Variants in UBE2D1 observed in about 807,000 individuals in gnomAD.
UBE2D1 encodes ubiquitin-conjugating enzyme E2 D1.
Under a neutral mutation model 24.6 loss-of-function variants are expected in UBE2D1, and 9 were observed. The ratio of observed to expected loss-of-function variants is 0.37; its 90% CI spans 0.22 to 0.64. The LOEUF is 0.64. UBE2D1 is among the 30% of genes least tolerant of loss of function. The pLI is 0.64. For missense variants in UBE2D1, 87 were observed against 177.1 expected (o/e 0.49, Z 2.89); for synonymous variants, 57 against 57.6 (o/e 0.99, Z 0.04).
chr10:58,353,689 C>A (rs1840100885), intron 1 of UBE2D1, among the ~76,000 whole-genome samples: 1 of 152,074 alleles, frequency 6.6e-6, no homozygotes. Flanking sequence ...AATTAATATT[C>A]TTTTGATATT....
chr10:58,342,670 C>G (rs1213638559), intron 1 of UBE2D1, among the ~76,000 whole-genome samples: 2 of 151,730 alleles, frequency 1.3e-5, no homozygotes, highest in Admixed American at 6.6e-5. Context: ...CTTCTTTGAC[C>G]CTTGGATTAT....
At chr10:58,337,354 A>T (rs1444278390) in intron 1 of UBE2D1, among the ~76,000 whole-genome samples, 1 of 152,116 alleles carries the variant, frequency 6.6e-6, no homozygotes, top group Non-Finnish European at 1.5e-5. Context: ...ATTTTGATTG[A>T]TTCCCTACTT....
chr10:58,355,733 G>T (rs1427687150), intron 1 of UBE2D1, among the ~76,000 whole-genome samples: 7 of 152,086 alleles, frequency 4.6e-5, no homozygotes, highest in Non-Finnish European at 1.5e-5. Flanking sequence ...AAAATAATAA[G>T]GTTCATATAT....
intron 1 of UBE2D1, among the ~76,000 whole-genome samples, chr10:58,337,851 C>G (rs1839919292): frequency 6.6e-6 from 1 of 151,884 alleles, no homozygotes; most frequent in Admixed American, 6.6e-5. Flanking sequence ...CAAAGATAAT[C>G]TCTTTTTTTT....
Position 58,370,124 on chromosome 10 carries a change from A to G in UBE2D1, c.*1359A>G, listed in dbSNP as rs1840299534. 3 of 151,740 alleles carry G rather than the reference A, an allele frequency of 2.0e-5. No homozygotes were observed. Among genetic ancestry groups the G allele is most frequent in the Admixed American group, 1.3e-4 (2 of 15,236 alleles). 9.4% of individuals were successfully genotyped at this position (151,740 alleles called of 1,614,324 possible). A position where few individuals can be genotyped will look rare whatever the true frequency, so the allele number is the denominator to read the frequency against. ...CCTCCCTCTGTTTTTATAAGTTGCC[A>G]TCGAAAAGTGATTTAAATAAGCAGG... On this transcript the variant is annotated 3_prime_UTR_variant, in exon 7 of 7. Transcript: ENST00000373910.
intron 1 of UBE2D1, among the ~76,000 whole-genome samples, chr10:58,354,025 G>A (rs1001741881): frequency 3.3e-5 from 5 of 151,936 alleles, no homozygotes; most frequent in South Asian, 2.1e-4. Context: ...AAAACATTCC[G>A]GTAGAAGAGG....
rs1247351545 is a variant in UBE2D1, at chr10:58,335,239, C to G, written c.24+14C>G. The G allele has an allele frequency of 6.5e-7, 1 of 1,534,474 alleles. No homozygotes were observed. Among genetic ancestry groups the G allele is most frequent in the Non-Finnish European group, 8.8e-7 (1 of 1,142,690 alleles). On this transcript the variant is annotated intron_variant, in intron 1 of 6. Transcript: ENST00000373910. ...AGGATTCAGAAAGTGAGTGCCGGGG[C>G]CGGGCCTGGGGCTGCGGGGCAGCGG...
intron 6 of UBE2D1, 129 bp downstream of exon 6, chr10:58,368,145 C>T: frequency 1.6e-6 from 1 of 644,582 alleles, no homozygotes; most frequent in South Asian, 2.3e-5. Context: ...TATCTTTTTC[C>T]AATGGAGTAA....
At chr10:58,361,676 A>C in intron 3 of UBE2D1, 150 bp downstream of exon 3, 3 of 1,109,086 alleles carry the variant, frequency 2.7e-6, no homozygotes, top group Non-Finnish European at 3.9e-6. Flanking sequence ...ATTTACAATG[A>C]TTTTCCAAAG....
intron 1 of UBE2D1, among the ~76,000 whole-genome samples, chr10:58,355,247 G>A (rs1331404825): frequency 1.3e-5 from 2 of 152,198 alleles, no homozygotes; most frequent in Non-Finnish European, 1.5e-5. Flanking sequence ...TTGTGAAGGG[G>A]AACCCAAATA....
chr10:58,349,446 T>A (rs2132320917), intron 1 of UBE2D1, among the ~76,000 whole-genome samples: 1 of 152,284 alleles, frequency 6.6e-6, no homozygotes, highest in South Asian at 2.1e-4. Context: ...CATTTCAATT[T>A]TAGATTAAAA....
At position 58,362,746 on chromosome 10, in the gene UBE2D1, T is replaced by C. The variant is rs115174629; in HGVS notation, c.121-863T>C. Among the ~76,000 whole-genome samples, 821 of 152,228 alleles carry C rather than the reference T, an allele frequency of 5.4e-3. 8 individuals are homozygous for C. The highest frequency in any genetic ancestry group is 0.019 in the African/African-American group (775 of 41,562). ...ACTAGAATTGTTTAAACAATATATA[T>C]AGTAAGAATTATTATACAGGAAAAT... On this transcript the variant is annotated intron_variant, in intron 3 of 6. Coordinates refer to ENST00000373910, the MANE Select transcript of UBE2D1 (RefSeq NM_003338.5).
rs1228796092 is a variant in UBE2D1, at chr10:58,370,092, AATT to A, written c.*1330_*1332del. Reference sequence around the variant, plus strand: ...ATAGAAGTTACAAAGGAAGTTCTAAAATTATGCCTCCCTCTGTTTTTATAAGTT... The same window carrying A: ...ATAGAAGTTACAAAGGAAGTTCTAAAATGCCTCCCTCTGTTTTTATAAGTT... On this transcript the variant is annotated 3_prime_UTR_variant, in exon 7 of 7. Transcript: ENST00000373910. 3 of 152,084 alleles carry A rather than the reference AATT, an allele frequency of 2.0e-5. No homozygotes were observed. The East Asian group carries it at 5.8e-4, about 29-fold the overall frequency. The allele number at this position is 152,084 out of a possible 1,614,324, so 9.4% of individuals were successfully genotyped here. A position where few individuals can be genotyped will look rare whatever the true frequency, so the allele number is the denominator to read the frequency against.
intron 1 of UBE2D1, among the ~76,000 whole-genome samples, chr10:58,354,430 A>AT (rs528438394): frequency 0.055 from 8,041 of 146,024 alleles, 356 homozygotes; most frequent in African/African-American, 0.13. Flanking sequence ...TACCCCTTTA[A>AT]TTTTTTTTTT....
chr10:58,368,968 G>C lies in UBE2D1; in HGVS notation c.*203G>C. Reference sequence around the variant, plus strand: ...CTGTGATGAGAGCATTTATCATTTTGTATGCATTGAGAAAGACATTTATTA... The same window carrying C: ...CTGTGATGAGAGCATTTATCATTTTCTATGCATTGAGAAAGACATTTATTA... On this transcript the variant is annotated 3_prime_UTR_variant, in exon 7 of 7. Transcript: ENST00000373910. 2 of 344,282 alleles carry C rather than the reference G, an allele frequency of 5.8e-6. No homozygotes were observed. The highest frequency in any genetic ancestry group is 1.1e-5 in the Non-Finnish European group (2 of 188,730). 21.3% of individuals were successfully genotyped at this position (344,282 alleles called of 1,614,324 possible).
intron 6 of UBE2D1, 93 bp downstream of exon 6, chr10:58,368,109 A>AT (rs1840276737): frequency 1.1e-6 from 1 of 903,154 alleles, no homozygotes; most frequent in South Asian, 1.6e-5. Flanking sequence ...AGTCAATTTG[A>AT]TTATGGTTGT....
intron 1 of UBE2D1, among the ~76,000 whole-genome samples, chr10:58,354,516 G>A (rs1161509488): frequency 1.3e-5 from 2 of 151,700 alleles, no homozygotes; most frequent in African/African-American, 4.8e-5. Flanking sequence ...TGTTTCTGTG[G>A]GTTATTTGTA....
rs996886883 is a variant in UBE2D1 at position 58,349,663 on chromosome 10, C to T, written c.25-11675C>T. On this transcript the variant is annotated intron_variant, in intron 1 of 6. Coordinates refer to ENST00000373910, the MANE Select transcript of UBE2D1 (RefSeq NM_003338.5). ...GTGGCAAAATACATTTTAAAAGTTA[C>T]AATGTAAACTTTTTGTTTCAGTTAT... Among the ~76,000 whole-genome samples, 13 of 151,942 alleles carry T rather than the reference C, an allele frequency of 8.6e-5. No homozygotes were observed. In the East Asian group the frequency reaches 2.3e-3, roughly 27 times the overall value.
chr10:58,364,609 G>C, intron 4 of UBE2D1, 162 bp from the exon 5 acceptor site: 1 of 593,856 alleles, frequency 1.7e-6, no homozygotes, highest in East Asian at 2.8e-5. Flanking sequence ...CTAGAACTGT[G>C]TGTAGCACAA....
Sources: gnomAD v4.1 joint callset for allele counts (sites outside exome capture counted in the v4.1 genomes callset) on GRCh38, gnomAD v4.1.1 for gene constraint, MANE v1.5 for transcripts, NCBI Gene and HGNC (gene_info 2026-07-23, HGNC 2026-07-21) for gene names.